ARHGDIG: variants seen among roughly 807,000 people sequenced by gnomAD.
The protein encoded by ARHGDIG is rho GDP-dissociation inhibitor 3.
In ARHGDIG, 14 loss-of-function variants were observed where a neutral mutation model predicts 20.2. That is an observed-to-expected ratio of 0.69 (90% confidence interval 0.46 to 1.08). ARHGDIG has a LOEUF of 1.08. Ranked by LOEUF, ARHGDIG falls within the 50% of genes least tolerant of loss-of-function variation. The probability of loss-of-function intolerance (pLI) is 0.00; values close to 1 mark genes in which losing one functional copy is unlikely to be tolerated. For missense variants in ARHGDIG, 311 were observed against 301.8 expected, an observed-to-expected ratio of 1.03 and a Z score of -0.23; for synonymous variants, 193 against 138.6, an observed-to-expected ratio of 1.39 and a Z score of -2.76.
Position 282,083 on chromosome 16 carries a change from G to T in ARHGDIG, c.312G>T (p.Pro104=), listed in dbSNP as rs144552315. 2 of 1,612,744 alleles carry T rather than the reference G, an allele frequency of 1.2e-6. No homozygotes were observed. Among genetic ancestry groups the T allele is most frequent in the African/African-American group, 1.3e-5 (1 of 74,904 alleles). The change falls in exon 3 of 6, where the codon CCG becomes CCT. Residue 104 remains proline (P), a synonymous_variant. Transcript: ENST00000219409. The part of the protein sequence containing the change: ...TRLTLLSEQA[P]GPVVMDLTGD... Reference sequence around the variant, plus strand: ...TGACACTCCTGTCGGAACAGGCTCCGGGGCCCGTCGTCATGGATCTCACAG... The same window carrying T: ...TGACACTCCTGTCGGAACAGGCTCCTGGGCCCGTCGTCATGGATCTCACAG...
rs2052292172 is a variant in ARHGDIG at position 282,088 on chromosome 16, C to T, written c.317C>T (p.Pro106Leu). The T allele has an allele frequency of 6.8e-6, 11 of 1,612,886 alleles. No individual in the cohort carries two copies. The highest frequency in any genetic ancestry group is 9.3e-6 in the Non-Finnish European group (11 of 1,179,946). Reference protein sequence around the residue: ...LTLLSEQAPGPVVMDLTGDLA... With the variant: ...LTLLSEQAPGLVVMDLTGDLA... ...CTCCTGTCGGAACAGGCTCCGGGGC[C>T]CGTCGTCATGGATCTCACAGGTAAC... Residue 106 changes from proline (P) to leucine (L), a missense_variant, in exon 3 of 6, where the codon CCC becomes CTC. Coordinates refer to ENST00000219409, the MANE Select transcript of ARHGDIG (RefSeq NM_001176.4).
chr16:282,273 C>T, intron 3 of ARHGDIG, 24 bp from the exon 4 acceptor site: 1 of 1,613,008 alleles, frequency 6.2e-7, no homozygotes, highest in Non-Finnish European at 8.5e-7. Context: ...GGAGTTCCGA[C>T]CCTAGCTGAG....
rs1280490366 is a variant in ARHGDIG, at chr16:281,523, A to G, written c.74-223A>G. The G allele has an allele frequency of 3.8e-5, 20 of 522,336 alleles. No individual in the cohort carries two copies. In the East Asian group the frequency reaches 5.9e-4, roughly 15 times the overall value. 32.4% of individuals were successfully genotyped at this position (522,336 alleles called of 1,614,324 possible). ...TGGACATCTGGGCCAGAGGAGCTGC[A>G]GGCCTGGCGGTCTCTGGAGGCCCCT... On this transcript the variant is annotated intron_variant, in intron 1 of 5. Coordinates refer to ENST00000219409, the MANE Select transcript of ARHGDIG (RefSeq NM_001176.4).
At position 280,721 on chromosome 16, in the gene ARHGDIG, TG is replaced by T; in HGVS notation, c.43del (p.Glu15SerfsTer79). Reference protein sequence around the residue: ...LDACELGAQLLELLRLALCAR... With the variant: ...LDACELGAQLXELLRLALCAR... ...GCGTGCGAGCTGGGGGCGCAGCTGCTGGAGCTGCTCCGGCTGGCGCTGTGCG... is the reference window on the plus strand; with the variant it reads ...GCGTGCGAGCTGGGGGCGCAGCTGCTGAGCTGCTCCGGCTGGCGCTGTGCG... On this transcript the variant is annotated frameshift_variant, in exon 1 of 6. Coordinates refer to ENST00000219409, the MANE Select transcript of ARHGDIG (RefSeq NM_001176.4). LOFTEE classifies it high-confidence loss of function. This position sits in a 1 kb window ranked among gnomAD's most constrained non-coding sequence, Gnocchi z 6.6. 1 of 1,286,354 alleles carries T rather than the reference TG, an allele frequency of 7.8e-7. No homozygotes were observed. The highest frequency in any genetic ancestry group is 9.9e-7 in the Non-Finnish European group (1 of 1,012,432). The allele number at this position is 1,286,354 out of a possible 1,614,324, so 79.7% of individuals were successfully genotyped here.
At position 282,010 on chromosome 16, in the gene ARHGDIG, C is replaced by A; in HGVS notation, c.254-15C>A. The stretch of plus-strand genomic sequence containing the variant: ...GGGGTGGGGGGCATCCTGCAGACTT[C>A]CAGTTTCTCCTCAGACCCAAGCCTG... On this transcript the variant is annotated splice_polypyrimidine_tract_variant and intron_variant, in intron 2 of 5. Transcript: ENST00000219409. 2.5e-6 allele frequency: 4 copies of A among 1,610,692 alleles called. No individual in the cohort carries two copies. Among genetic ancestry groups the A allele is most frequent in the African/African-American group, 1.3e-5 (1 of 74,892 alleles).
Position 282,780 on chromosome 16 carries a change from G to A in ARHGDIG, c.644G>A (p.Trp215Ter). 6.2e-7 allele frequency: 1 copy of A among 1,608,242 alleles called. No homozygotes were observed. Among genetic ancestry groups the A allele is most frequent in the Non-Finnish European group, 8.5e-7 (1 of 1,178,508 alleles). ...AGGACGCACCACCTGTCCTGGGAGT[G>A]GGGTCTCTGCATCTGCCAGGACTGG... Reference protein sequence around the residue: ...DDRTHHLSWEWGLCICQDWKD With the variant: ...DDRTHHLSWE The change falls in exon 6 of 6, where the codon TGG (tryptophan) becomes TAG (stop). Residue 215 changes from tryptophan to a stop codon, truncating the protein, a stop_gained. Transcript: ENST00000219409. LOFTEE classifies it high-confidence loss of function.
At position 280,974 on chromosome 16, in the gene ARHGDIG, C is replaced by G. The variant is rs866019254; in HGVS notation, c.73+221C>G. 6.0e-5 allele frequency: 14 copies of G among 234,716 alleles called. No homozygotes were observed. The highest frequency in any genetic ancestry group is 7.8e-4 in the Middle Eastern group (1 of 1,274). 14.5% of individuals were successfully genotyped at this position (234,716 alleles called of 1,614,324 possible). On this transcript the variant is annotated intron_variant, in intron 1 of 5. Coordinates refer to ENST00000219409, the MANE Select transcript of ARHGDIG (RefSeq NM_001176.4). The surrounding 1 kb of genome is among the most constrained non-coding windows in gnomAD (Gnocchi z 6.6). ...CTTGGGAAGCGGCGGCGCTGGGACC[C>G]TCTCCCCCTGGACACCGCCGCCTGG...
chr16:282,570 G>A (rs2052299361), intron 5 of ARHGDIG, 40 bp downstream of exon 5: 2 of 1,541,232 alleles, frequency 1.3e-6, no homozygotes, highest in Middle Eastern at 2.2e-4. Flanking sequence ...GGGGGGGGAA[G>A]CGGGGGCAGA....
Position 280,648 on chromosome 16 carries a change from G to T in ARHGDIG, c.-33G>T. ...GCGGCGGGGCGGGCGGCGGCTCCTC[G>T]GCGGCTCCGCGGCGCCCGGGCCGCG... On this transcript the variant is annotated 5_prime_UTR_variant, in exon 1 of 6. Coordinates refer to ENST00000219409, the MANE Select transcript of ARHGDIG (RefSeq NM_001176.4). This position sits in a 1 kb window ranked among gnomAD's most constrained non-coding sequence, Gnocchi z 6.6. 1 of 851,572 alleles carries T rather than the reference G, an allele frequency of 1.2e-6. No homozygotes were observed. The highest frequency in any genetic ancestry group is 1.3e-6 in the Non-Finnish European group (1 of 766,384). The allele number at this position is 851,572 out of a possible 1,614,324, so 52.8% of individuals were successfully genotyped here. A position where few individuals can be genotyped will look rare whatever the true frequency, so the allele number is the denominator to read the frequency against.
rs2141445259 is a variant in ARHGDIG, at chr16:282,646, T to C, written c.510T>C (p.Tyr170=). ...VDKTVYMVGS[Y]GPSAQEYEFV... The stretch of plus-strand genomic sequence containing the variant: ...AGACCGTCTACATGGTGGGCAGCTA[T>C]GGCCCGAGCGCCCAGGAGTATGAGT... Residue 170 remains tyrosine (Y), a synonymous_variant, in exon 6 of 6, where the codon TAT becomes TAC. Coordinates refer to ENST00000219409, the MANE Select transcript of ARHGDIG (RefSeq NM_001176.4). The C allele has an allele frequency of 1.9e-6, 3 of 1,599,526 alleles. No homozygotes were observed. The highest frequency in any genetic ancestry group is 2.6e-6 in the Non-Finnish European group (3 of 1,172,780).
chr16:281,433 G>C (rs1282938348), intron 1 of ARHGDIG: 4 of 318,674 alleles, frequency 1.3e-5, no homozygotes, highest in South Asian at 5.5e-5. Flanking sequence ...CTGACCCTGG[G>C]CTGCCCTCAT....
rs771842809 is a variant in ARHGDIG, at chr16:281,786, C to T, written c.114C>T (p.Asp38=). 14 of 1,609,380 alleles carry T rather than the reference C, an allele frequency of 8.7e-6. No individual in the cohort carries two copies. The highest frequency in any genetic ancestry group is 8.4e-5 in the Admixed American group (5 of 59,818). ...AGGAGGGTGGGCCGCCGGCAGTGGA[C>T]GAGGTGTTGGATGAGGCTGTGCCCG... ...ADKEGGPPAV[D]EVLDEAVPEY... The change falls in exon 2 of 6, where the codon GAC becomes GAT. Residue 38 remains aspartate (D), a synonymous_variant. Transcript: ENST00000219409.
chr16:282,367 C>T lies in ARHGDIG; in HGVS notation c.408C>T (p.Ser136=). The change falls in exon 4 of 6, where the codon TCC becomes TCT. Residue 136 remains serine, a synonymous_variant. Coordinates refer to ENST00000219409, the MANE Select transcript of ARHGDIG (RefSeq NM_001176.4). ...GTGTTGATTACAGAGTGAAGATCTC[C>T]TTCAAGGTGAGAGCCGGGGCAATGG... ...KEGVDYRVKI[S]FKVHREIVSG... The T allele has an allele frequency of 6.2e-7, 1 of 1,611,192 alleles. No homozygotes were observed. Among genetic ancestry groups the T allele is most frequent in the South Asian group, 1.1e-5 (1 of 90,986 alleles).
At chr16:282,210 C>T in intron 3 of ARHGDIG, 87 bp from the exon 4 acceptor site, 2 of 1,604,734 alleles carry the variant, frequency 1.2e-6, no homozygotes, top group Middle Eastern at 1.7e-4. Flanking sequence ...TCGCACACCT[C>T]ATGGGTACCA....
chr16:282,128 A>G lies in ARHGDIG; in HGVS notation c.337+20A>G. Reference sequence around the variant, plus strand: ...TCACAGGTAACTCGCAGGATGCTGCACCCTGAACACAGGTAGGGCCCTCCC... The same window carrying G: ...TCACAGGTAACTCGCAGGATGCTGCGCCCTGAACACAGGTAGGGCCCTCCC... On this transcript the variant is annotated intron_variant, in intron 3 of 5. Coordinates refer to ENST00000219409, the MANE Select transcript of ARHGDIG (RefSeq NM_001176.4). 1 of 1,612,610 alleles carries G rather than the reference A, an allele frequency of 6.2e-7. No homozygotes were observed. The highest frequency in any genetic ancestry group is 1.1e-5 in the South Asian group (1 of 91,058).
Position 282,706 on chromosome 16 carries a change from G to C in ARHGDIG, c.570G>C (p.Ala190=). 1 of 1,603,120 alleles carries C rather than the reference G, an allele frequency of 6.2e-7. No individual in the cohort carries two copies. Among genetic ancestry groups the C allele is most frequent in the Non-Finnish European group, 8.5e-7 (1 of 1,174,918 alleles). The part of the protein sequence containing the change: ...VTPVEEAPRG[A]LVRGPYLVVS... The stretch of plus-strand genomic sequence containing the variant: ...CGGTGGAGGAAGCGCCGAGGGGTGC[G>C]CTGGTGCGGGGCCCCTATCTGGTGG... Residue 190 remains alanine (A), a synonymous_variant, in exon 6 of 6, where the codon GCG becomes GCC. Coordinates refer to ENST00000219409, the MANE Select transcript of ARHGDIG (RefSeq NM_001176.4).
rs1266459832 is a variant in ARHGDIG at position 280,674 on chromosome 16, C to A, written c.-7C>A. 2.8e-6 allele frequency: 3 copies of A among 1,073,168 alleles called. No homozygotes were observed. The highest frequency in any genetic ancestry group is 1.7e-5 in the African/African-American group (1 of 58,540). 66.5% of individuals were successfully genotyped at this position (1,073,168 alleles called of 1,614,324 possible). On this transcript the variant is annotated 5_prime_UTR_variant, in exon 1 of 6. Coordinates refer to ENST00000219409, the MANE Select transcript of ARHGDIG (RefSeq NM_001176.4). This position sits in a 1 kb window ranked among gnomAD's most constrained non-coding sequence, Gnocchi z 6.6. Reference sequence around the variant, plus strand: ...GCGGCTCCGCGGCGCCCGGGCCGCGCGCCGCCATGCTGGGCCTGGACGCGT... The same window carrying A: ...GCGGCTCCGCGGCGCCCGGGCCGCGAGCCGCCATGCTGGGCCTGGACGCGT...
chr16:282,382 CG>C lies in ARHGDIG; in HGVS notation c.414+13del. On this transcript the variant is annotated intron_variant, in intron 4 of 5. Coordinates refer to ENST00000219409, the MANE Select transcript of ARHGDIG (RefSeq NM_001176.4). ...TGAAGATCTCCTTCAAGGTGAGAGC[CG>C]GGGCAATGGGCGGAGGGGATGGGGG... is the stretch of plus-strand genomic sequence containing the variant. 1 of 1,092,542 alleles carries C rather than the reference CG, an allele frequency of 9.2e-7. No homozygotes were observed. The highest frequency in any genetic ancestry group is 1.3e-6 in the Non-Finnish European group (1 of 758,582). 67.7% of individuals were successfully genotyped at this position (1,092,542 alleles called of 1,614,324 possible).
chr16:282,783 G>A lies in ARHGDIG; in HGVS notation c.647G>A (p.Gly216Asp). 6.2e-7 allele frequency: 1 copy of A among 1,608,026 alleles called. No homozygotes were observed. ...DRTHHLSWEW[G>D]LCICQDWKD ...ACGCACCACCTGTCCTGGGAGTGGG[G>A]TCTCTGCATCTGCCAGGACTGGAAG... Residue 216 changes from glycine (G) to aspartate (D), a missense_variant, in exon 6 of 6, where the codon GGT becomes GAT. Transcript: ENST00000219409.
Sources: allele counts gnomAD v4.1 joint callset, GRCh38; gene constraint gnomAD v4.1.1; non-coding constraint Gnocchi (gnomAD v3.1); transcripts MANE v1.5; gene names NCBI Gene and HGNC (gene_info 2026-07-23, HGNC 2026-07-21).